Variants in TBC1D31 observed in about 807,000 individuals in gnomAD.
TBC1D31 encodes the protein WD repeat domain 67.
Under a neutral mutation model 132.9 loss-of-function variants are expected in TBC1D31, and 99 were observed. That is an observed-to-expected ratio of 0.74 (90% confidence interval 0.63 to 0.88). The LOEUF (loss-of-function observed/expected upper bound fraction) is 0.88. TBC1D31 is among the 40% of genes least tolerant of loss of function. The probability of loss-of-function intolerance (pLI) is 0.00; values close to 1 mark genes in which losing one functional copy is unlikely to be tolerated. For synonymous variants in TBC1D31, 385 were observed against 419.4 expected, an observed-to-expected ratio of 0.92 and a Z score of 1.00; for missense variants, 1,134 against 1,256.6, an observed-to-expected ratio of 0.90 and a Z score of 1.48.
intron 20 of TBC1D31, 132 bp downstream of exon 20, chr8:123,144,987 A>G: frequency 1.2e-6 from 1 of 826,318 alleles, no homozygotes; most frequent in Non-Finnish European, 1.8e-6. Flanking sequence ...GTAGTGATGC[A>G]ATCATGGCTC....
intron 17 of TBC1D31, among the ~76,000 whole-genome samples, chr8:123,139,989 A>T (rs1237677035): frequency 1.2e-4 from 18 of 152,180 alleles, no homozygotes; most frequent in Admixed American, 1.2e-3. Context: ...TTCTCCAGCA[A>T]TGGTGGTTTG....
chr8:123,125,963 G>A, intron 11 of TBC1D31, 93 bp from the exon 12 acceptor site: 1 of 922,786 alleles, frequency 1.1e-6, no homozygotes, highest in Non-Finnish European at 1.5e-6. Context: ...GACATATTGA[G>A]AACATAAAGA....
intron 4 of TBC1D31, among the ~76,000 whole-genome samples, chr8:123,093,098 C>A (rs1816502899): frequency 6.6e-6 from 1 of 152,066 alleles, no homozygotes; most frequent in Non-Finnish European, 1.5e-5. Flanking sequence ...AGGTGTGAGT[C>A]ACTGCGCCTG....
At chr8:123,074,734 GCA>G (rs1161893855) in intron 1 of TBC1D31, among the ~76,000 whole-genome samples, 2 of 152,208 alleles carry the variant, frequency 1.3e-5, no homozygotes, top group African/African-American at 4.8e-5. Flanking sequence ...CGGGCAGAGA[GCA>G]CTGACTTGGA....
chr8:123,145,928 T>TGGTGCGA (rs1822159516), intron 20 of TBC1D31, among the ~76,000 whole-genome samples: 1 of 150,046 alleles, frequency 6.7e-6, no homozygotes, highest in Non-Finnish European at 1.5e-5. Flanking sequence ...TGGAGTGCAG[T>TGGTGCGA]GGTGCGATCT....
the TBC1D31 span, among the ~76,000 whole-genome samples, chr8:123,157,253 A>C: frequency 6.6e-6 from 1 of 152,148 alleles, no homozygotes; most frequent in Non-Finnish European, 1.5e-5. Context: ...GATCGAACTC[A>C]CGACCTTCAG....
chr8:123,162,747 CT>C, the TBC1D31 span, among the ~76,000 whole-genome samples: 5 of 152,224 alleles, frequency 3.3e-5, no homozygotes, highest in Non-Finnish European at 7.3e-5. Flanking sequence ...TACAGCCATG[CT>C]GTATTAGTCA....
chr8:123,085,539 A>G (rs1586568186), intron 4 of TBC1D31, among the ~76,000 whole-genome samples: 1 of 152,200 alleles, frequency 6.6e-6, no homozygotes, highest in East Asian at 1.9e-4. Context: ...GGTTCACACC[A>G]TTCTCCTGCC....
At chr8:123,074,992 A>G (rs917087900) in intron 1 of TBC1D31, 2 of 152,250 alleles carry the variant, frequency 1.3e-5, no homozygotes, top group African/African-American at 4.8e-5. Flanking sequence ...TATATGAAAA[A>G]TCGGAGGGGC....
At chr8:123,092,703 G>A (rs933554175) in intron 4 of TBC1D31, among the ~76,000 whole-genome samples, 1 of 151,842 alleles carries the variant, frequency 6.6e-6, no homozygotes, top group African/African-American at 2.4e-5. Flanking sequence ...AGGCTGGAAT[G>A]CAGTGGTGCA....
In TBC1D31 at chr8:123,144,917, A is replaced by G. The variant is rs1822045451; in HGVS notation, c.2974+62A>G. On this transcript the variant is annotated intron_variant, in intron 20 of 21. Coordinates refer to ENST00000287380, the MANE Select transcript of TBC1D31 (RefSeq NM_145647.4). ...CAGATTTATTCTTTTAGTAGGGTCTATTATTATGATTTTTTTTTTTTTTTG... is the reference window on the plus strand; with the variant it reads ...CAGATTTATTCTTTTAGTAGGGTCTGTTATTATGATTTTTTTTTTTTTTTG... 7 of 1,421,868 alleles carry G rather than the reference A, an allele frequency of 4.9e-6. No homozygotes were observed. In the East Asian group the frequency reaches 1.4e-4, roughly 28 times the overall value. The allele number at this position is 1,421,868 out of a possible 1,614,324, so 88.1% of individuals were successfully genotyped here. A position where few individuals can be genotyped will look rare whatever the true frequency, so the allele number is the denominator to read the frequency against.
intron 14 of TBC1D31, 80 bp from the exon 15 acceptor site, chr8:123,128,986 C>T (rs1020683409): frequency 2.2e-6 from 2 of 919,050 alleles, no homozygotes; most frequent in East Asian, 2.7e-5. Context: ...ATAGATTATA[C>T]ATTAATCGGT....
At chr8:123,118,319 C>T (rs73713923) in intron 10 of TBC1D31, among the ~76,000 whole-genome samples, 26,223 of 152,106 alleles carry the variant, frequency 0.17, 2,338 homozygotes, top group South Asian at 0.22. Context: ...AAGCTGTTAA[C>T]ATTAGGGGAA....
In TBC1D31 at chr8:123,109,394, C is replaced by T; in HGVS notation, c.1287C>T (p.Tyr429=). 6.2e-7 allele frequency: 1 copy of T among 1,609,808 alleles called. No individual in the cohort carries two copies. The highest frequency in any genetic ancestry group is 1.1e-5 in the South Asian group (1 of 90,644). The change falls in exon 9 of 22, where the codon TAC becomes TAT. Residue 429 remains tyrosine, a splice_region_variant and synonymous_variant. Transcript: ENST00000287380. ...LKGYGEYPTK[Y]RMFIWRSLLQ... is the part of the protein sequence containing the mutation. ...GCTATGGTGAATATCCAACAAAATACAGGTACAATTTAAATTCTGTATGTT... is the reference window on the plus strand; with the variant it reads ...GCTATGGTGAATATCCAACAAAATATAGGTACAATTTAAATTCTGTATGTT...
chr8:123,137,010 A>G (rs1821164899), intron 17 of TBC1D31, among the ~76,000 whole-genome samples: 1 of 152,214 alleles, frequency 6.6e-6, no homozygotes, highest in Non-Finnish European at 1.5e-5. Context: ...GGTTGATTAA[A>G]TGTGTCTATT....
At position 123,136,141 on chromosome 8, in the gene TBC1D31, A is replaced by G. The variant is rs147100133; in HGVS notation, c.2499+1935A>G. Among the ~76,000 whole-genome samples the G allele has an allele frequency of 3.4e-3, 525 of 152,340 alleles. 2 individuals are homozygous for G. Among genetic ancestry groups the G allele is most frequent in the African/African-American group, 0.011 (474 of 41,574 alleles). On this transcript the variant is annotated intron_variant, in intron 17 of 21. Coordinates refer to ENST00000287380, the MANE Select transcript of TBC1D31 (RefSeq NM_145647.4). ...ATATAACCACCGTACAGTTCTCAAA[A>G]TCAGAAATTAACATAAGATGATCTG...
In TBC1D31 at chr8:123,150,051, A is replaced by T. The variant is rs748620695; in HGVS notation, c.2990A>T (p.Gln997Leu). 3 of 1,614,030 alleles carry T rather than the reference A, an allele frequency of 1.9e-6. No homozygotes were observed. The highest frequency in any genetic ancestry group is 1.7e-6 in the Non-Finnish European group (2 of 1,179,898). ...TTTATAACAGAAGAACCCAGGTTCCAAAATGAACAGGACTCAAGCTGTTTG... is the reference window on the plus strand; with the variant it reads ...TTTATAACAGAAGAACCCAGGTTCCTAAATGAACAGGACTCAAGCTGTTTG... ...NPCHKEEPRF[Q>L]NEQDSSCLPR... The change falls in exon 21 of 22, where the codon CAA becomes CTA. Residue 997 changes from glutamine (Q) to leucine (L), a missense_variant. Coordinates refer to ENST00000287380, the MANE Select transcript of TBC1D31 (RefSeq NM_145647.4).
intron 13 of TBC1D31, among the ~76,000 whole-genome samples, chr8:123,127,499 C>T (rs888377107): frequency 1.5e-4 from 22 of 151,600 alleles, no homozygotes; most frequent in Admixed American, 6.6e-4. Flanking sequence ...TCTCGAACCC[C>T]TTACCTCAGA....
intron 4 of TBC1D31, among the ~76,000 whole-genome samples, chr8:123,089,272 C>T (rs902987034): frequency 6.6e-6 from 1 of 152,186 alleles, no homozygotes; most frequent in African/African-American, 2.4e-5. Flanking sequence ...TCAGCCGTAG[C>T]ACCTCCCTCA....
Sources: gnomAD v4.1 joint callset for allele counts (sites outside exome capture counted in the v4.1 genomes callset) on GRCh38, gnomAD v4.1.1 for gene constraint, MANE v1.5 for transcripts, NCBI Gene and HGNC (gene_info 2026-07-23, HGNC 2026-07-21) for gene names.